Variants in TG observed in about 807,000 individuals in gnomAD.
TG encodes the protein thyroid hormones.
TG carries 270 observed loss-of-function variants against 324.7 expected under a neutral mutation model. The ratio of observed to expected loss-of-function variants is 0.83; its 90% CI spans 0.75 to 0.92. The LOEUF (loss-of-function observed/expected upper bound fraction) is 0.92, where lower values mean the gene tolerates loss of function less well. Ranked by LOEUF, TG falls within the 40% of genes least tolerant of loss-of-function variation. TG has a pLI of 0.00. For synonymous variants in TG, 1,401 were observed against 1,327.0 expected (o/e 1.06, Z -1.21); for missense variants, 3,591 against 3,456.4 (o/e 1.04, Z -0.98).
At chr8:132,996,282 G>T (rs1487712281) in intron 35 of TG, among the ~76,000 whole-genome samples, 1 of 152,148 alleles carries the variant, frequency 6.6e-6, no homozygotes, top group Non-Finnish European at 1.5e-5. Context: ...CCCATTATTT[G>T]CTTCCTATGT....
chr8:133,041,003 G>A lies in TG; in HGVS notation c.7239+10980G>A, dbSNP rs1373546064. On this transcript the variant is annotated intron_variant, in intron 41 of 47. Transcript: ENST00000220616. ...CCAGGCACATTACGATGTAGCTTCC[G>A]TCTCTTGGAAGGCTTCTCCCTAGCC... is the stretch of plus-strand genomic sequence containing the variant. Among the ~76,000 whole-genome samples the A allele has an allele frequency of 7.9e-5, 12 of 152,268 alleles. No homozygotes were observed. The East Asian group carries it at 1.2e-3, about 15-fold the overall frequency.
chr8:132,892,307 C>T (rs2132208837), intron 10 of TG, among the ~76,000 whole-genome samples: 1 of 152,324 alleles, frequency 6.6e-6, no homozygotes, highest in East Asian at 1.9e-4. Flanking sequence ...TCACTATTCC[C>T]AGAGTGAGAC....
intron 41 of TG, among the ~76,000 whole-genome samples, chr8:133,080,674 G>T (rs917323430): frequency 6.6e-6 from 1 of 152,058 alleles, no homozygotes; most frequent in African/African-American, 2.4e-5. Flanking sequence ...CTCCTTATCA[G>T]CCCCATGGCA....
intron 41 of TG, among the ~76,000 whole-genome samples, chr8:133,054,418 G>A (rs1378153490): frequency 2.6e-5 from 4 of 152,292 alleles, no homozygotes; most frequent in East Asian, 1.9e-4. Flanking sequence ...ACAGTGATGC[G>A]ATTTGGGGGG....
intron 41 of TG, chr8:133,048,841 T>C (rs542449146): frequency 3.0e-4 from 58 of 191,000 alleles, no homozygotes; most frequent in African/African-American, 1.3e-3. Flanking sequence ...ATTAAGATCA[T>C]GAATACTAAA....
intron 12 of TG, 126 bp downstream of exon 12, chr8:132,897,912 T>G: frequency 3.3e-6 from 4 of 1,216,416 alleles, no homozygotes; most frequent in Non-Finnish European, 4.7e-6. Flanking sequence ...TGGTGAAAAA[T>G]TCCTTAGCTT....
intron 10 of TG, 27 bp downstream of exon 10, chr8:132,888,595 ATGTGTGTGTG>A (rs3832581): frequency 3.0e-6 from 4 of 1,338,300 alleles, no homozygotes; most frequent in Non-Finnish European, 4.1e-6. Flanking sequence ...GAAGAGTTAA[ATGTGTGTGTG>A]TGTGTGTGTG....
chr8:133,093,143 T>TCTTTTCTTTTCTTTTC (rs55977841), intron 41 of TG, among the ~76,000 whole-genome samples: 5 of 93,940 alleles, frequency 5.3e-5, no homozygotes, highest in African/African-American at 1.6e-4. Flanking sequence ...TCTTTTCTTT[T>TCTTTTCTTTTCTTTTC]TTTTTTTTAA....
intron 26 of TG, among the ~76,000 whole-genome samples, chr8:132,942,664 T>A (rs1824621287): frequency 6.6e-6 from 1 of 152,148 alleles, no homozygotes; most frequent in African/African-American, 2.4e-5. Context: ...GCTGCTGGCG[T>A]TCAGCAAACA....
At chr8:133,117,945 G>GTT (rs1382521541) in intron 45 of TG, among the ~76,000 whole-genome samples, 3 of 152,166 alleles carry the variant, frequency 2.0e-5, no homozygotes, top group Non-Finnish European at 4.4e-5. Flanking sequence ...TAAGACTAAA[G>GTT]TTTTTCCTCT....
intron 34 of TG, 106 bp from the exon 35 acceptor site, chr8:132,983,244 C>G: frequency 7.8e-7 from 1 of 1,275,424 alleles, no homozygotes; most frequent in South Asian, 1.2e-5. Context: ...GTCTGCCTTC[C>G]AAGTCCAATT....
intron 41 of TG, among the ~76,000 whole-genome samples, chr8:133,043,303 T>G (rs1475112174): frequency 6.6e-6 from 1 of 152,180 alleles, no homozygotes; most frequent in Admixed American, 6.5e-5. Context: ...ATCCTTCTCA[T>G]GTTTGCTTTT....
At chr8:133,094,977 G>A in intron 41 of TG, 67 bp from the exon 42 acceptor site, 1 of 1,607,878 alleles carries the variant, frequency 6.2e-7, no homozygotes, top group Non-Finnish European at 8.5e-7. Flanking sequence ...GTGGCACTGA[G>A]GACTCCAGGT....
At chr8:133,056,635 C>T (rs900011166) in intron 41 of TG, among the ~76,000 whole-genome samples, 1 of 152,156 alleles carries the variant, frequency 6.6e-6, no homozygotes, top group African/African-American at 2.4e-5. Context: ...CTCAGATTCT[C>T]CAACTGCAAA....
chr8:133,130,876 G>A lies in TG; in HGVS notation c.7863-936G>A, dbSNP rs1851890353. Among the ~76,000 whole-genome samples, 5 of 147,054 alleles carry A rather than the reference G, an allele frequency of 3.4e-5. No individual in the cohort carries two copies. In the South Asian group the frequency reaches 8.3e-4, roughly 24 times the overall value. On this transcript the variant is annotated intron_variant, in intron 45 of 47. Transcript: ENST00000220616. ...ACCTTTCATCCCACTGTGAGGAGAA[G>A]GACTAATCCCCAGTGGGGAGAAAGT...
chr8:132,969,339 G>T, intron 31 of TG, 119 bp from the exon 32 acceptor site: 1 of 753,286 alleles, frequency 1.3e-6, no homozygotes, highest in Non-Finnish European at 2.3e-6. Context: ...GGTTTAATAT[G>T]AATTTAATAT....
chr8:132,962,491 T>C (rs1019147837), intron 28 of TG, among the ~76,000 whole-genome samples: 10 of 152,218 alleles, frequency 6.6e-5, no homozygotes, highest in Non-Finnish European at 1.2e-4. Context: ...TTTGCCGCAC[T>C]ACAGAGAAGT....
chr8:133,083,712 A>T lies in TG; in HGVS notation c.7240-11332A>T, dbSNP rs114549211. Among the ~76,000 whole-genome samples the T allele has an allele frequency of 3.8e-3, 575 of 152,204 alleles. 7 individuals are homozygous for T. The highest frequency in any genetic ancestry group is 0.013 in the African/African-American group (550 of 41,506). On this transcript the variant is annotated intron_variant, in intron 41 of 47. Coordinates refer to ENST00000220616, the MANE Select transcript of TG (RefSeq NM_003235.5). ...TTCTGCATCTCTTTAAAATAATAAT[A>T]ATTATTTTATTTGAAGAGGATTTGA...
chr8:133,055,544 C>T (rs118012833), intron 41 of TG, among the ~76,000 whole-genome samples: 2,672 of 152,192 alleles, frequency 0.018, 37 homozygotes, highest in Non-Finnish European at 0.028. Flanking sequence ...GTTTGAGACC[C>T]GGTAGCCCAC....
Sources: gnomAD v4.1 joint callset for allele counts (sites outside exome capture counted in the v4.1 genomes callset) on GRCh38, gnomAD v4.1.1 for gene constraint, MANE v1.5 for transcripts, NCBI Gene and HGNC (gene_info 2026-07-23, HGNC 2026-07-21) for gene names.